The following APLF variants were observed in gnomAD, a reference collection of about 807,000 sequenced individuals.
The protein encoded by APLF is aprataxin and PNKP like factor.
APLF carries 61 observed loss-of-function variants against 55.6 expected under a neutral mutation model. That is an observed-to-expected ratio of 1.10 (90% CI 0.89 to 1.36). The LOEUF is 1.36. Among genes scored for constraint, APLF ranks in the 40% most tolerant of loss-of-function variants. APLF has a pLI of 0.00. For missense variants in APLF, 611 were observed against 602.5 expected (o/e 1.01, Z -0.15); for synonymous variants, 207 against 214.8 (o/e 0.96, Z 0.32).
intron 2 of APLF, among the ~76,000 whole-genome samples, chr2:68,495,650 T>C (rs111761773): frequency 0.026 from 3,916 of 152,338 alleles, 67 homozygotes; most frequent in South Asian, 0.043. Flanking sequence ...GGACCTCCCA[T>C]CCCACATTTA....
chr2:68,487,333 A>T (rs1676216224), intron 1 of APLF, among the ~76,000 whole-genome samples: 2 of 152,162 alleles, frequency 1.3e-5, no homozygotes, highest in African/African-American at 4.8e-5. Context: ...ATGTAATGAT[A>T]TTGAGGGATG....
chr2:68,479,921 TGATC>T (rs1311204798), intron 1 of APLF, among the ~76,000 whole-genome samples: 6 of 152,208 alleles, frequency 3.9e-5, no homozygotes, highest in Non-Finnish European at 7.3e-5. Flanking sequence ...ACCTATATGA[TGATC>T]CACTTCCATT....
intron 1 of APLF, among the ~76,000 whole-genome samples, chr2:68,483,260 T>C (rs982408494): frequency 6.6e-6 from 1 of 152,146 alleles, no homozygotes; most frequent in African/African-American, 2.4e-5. Flanking sequence ...TCCAAACAGC[T>C]CAAGGCTTGT....
At chr2:68,560,253 C>G (rs960070531) in intron 8 of APLF, among the ~76,000 whole-genome samples, 1 of 152,118 alleles carries the variant, frequency 6.6e-6, no homozygotes, top group South Asian at 2.1e-4. Context: ...AAAGCAGAAA[C>G]TCTCTGCTTG....
chr2:68,540,499 G>C (rs1670517283), intron 7 of APLF, among the ~76,000 whole-genome samples: 1 of 152,110 alleles, frequency 6.6e-6, no homozygotes, highest in African/African-American at 2.4e-5. Context: ...ATGGTAGAAT[G>C]ATTTATATTC....
chr2:68,535,603 CT>C (rs200351772), intron 6 of APLF, among the ~76,000 whole-genome samples: 5,052 of 128,536 alleles, frequency 0.039, 74 homozygotes, highest in Middle Eastern at 0.055. Context: ...TAGCTGTGCT[CT>C]TTTTTTTTTT....
chr2:68,506,482 G>C (rs1039420745), intron 3 of APLF, among the ~76,000 whole-genome samples: 2 of 151,640 alleles, frequency 1.3e-5, no homozygotes, highest in African/African-American at 4.9e-5. Flanking sequence ...TGTTTTGCAG[G>C]GTCAACCACA....
intron 1 of APLF, among the ~76,000 whole-genome samples, chr2:68,478,193 G>T (rs1241610593): frequency 4.0e-5 from 6 of 151,596 alleles, no homozygotes; most frequent in African/African-American, 1.2e-4. Context: ...AAAATTACAA[G>T]AAAAAGTTGA....
chr2:68,556,609 T>C (rs890174591), intron 8 of APLF, among the ~76,000 whole-genome samples: 2 of 152,196 alleles, frequency 1.3e-5, no homozygotes, highest in African/African-American at 4.8e-5. Flanking sequence ...TAAGCACTTA[T>C]CTTAGAATAT....
intron 5 of APLF, among the ~76,000 whole-genome samples, chr2:68,524,806 G>A (rs1669985811): frequency 6.6e-6 from 1 of 152,220 alleles, no homozygotes; most frequent in South Asian, 2.1e-4. Context: ...AACAAGGCAT[G>A]TAAAGTTTCT....
intron 5 of APLF, among the ~76,000 whole-genome samples, chr2:68,517,659 C>T (rs920225097): frequency 2.8e-5 from 4 of 143,552 alleles, no homozygotes; most frequent in Admixed American, 1.4e-4. Flanking sequence ...ATGTTATTAA[C>T]GTAACAATAA....
intron 8 of APLF, among the ~76,000 whole-genome samples, chr2:68,550,005 T>C (rs1670812258): frequency 6.6e-6 from 1 of 152,204 alleles, no homozygotes; most frequent in Non-Finnish European, 1.5e-5. Flanking sequence ...TGGTCCGATA[T>C]AATCTACTCT....
In APLF at chr2:68,524,958, T is replaced by C. The variant is rs541679645; in HGVS notation, c.623-1103T>C. Among the ~76,000 whole-genome samples, 10 of 152,298 alleles carry C rather than the reference T, an allele frequency of 6.6e-5. No individual in the cohort carries two copies. In the South Asian group the frequency reaches 1.9e-3, roughly 28 times the overall value. ...GGTATTTTATGGGATACAATGTCCATTGTTATTGAGATTTATTTACTTTAT... is the reference window on the plus strand; with the variant it reads ...GGTATTTTATGGGATACAATGTCCACTGTTATTGAGATTTATTTACTTTAT... On this transcript the variant is annotated intron_variant, in intron 5 of 9. Transcript: ENST00000303795.
chr2:68,540,425 G>A (rs1670515092), intron 7 of APLF, among the ~76,000 whole-genome samples: 1 of 152,124 alleles, frequency 6.6e-6, no homozygotes, highest in African/African-American at 2.4e-5. Flanking sequence ...GGGCATTTGG[G>A]TTGGTTCCAA....
intron 6 of APLF, among the ~76,000 whole-genome samples, chr2:68,536,584 A>G (rs1056532245): frequency 6.6e-5 from 10 of 152,164 alleles, no homozygotes; most frequent in African/African-American, 2.4e-4. Flanking sequence ...TTAAGGGGTC[A>G]TTTTTAACAG....
At chr2:68,563,463 G>T (rs1374316501) in intron 8 of APLF, 2 of 689,664 alleles carry the variant, frequency 2.9e-6, no homozygotes, top group African/African-American at 3.9e-5. Flanking sequence ...TGTTTTCCAG[G>T]ATAATAGAGA....
At chr2:68,517,902 T>C (rs1236021060) in intron 5 of APLF, among the ~76,000 whole-genome samples, 3 of 144,228 alleles carry the variant, frequency 2.1e-5, no homozygotes, top group Non-Finnish European at 4.5e-5. Flanking sequence ...TGTTAATATA[T>C]AGCAGTATTA....
intron 7 of APLF, among the ~76,000 whole-genome samples, chr2:68,542,278 C>A (rs746864649): frequency 1.3e-5 from 2 of 150,826 alleles, no homozygotes; most frequent in Non-Finnish European, 2.9e-5. Flanking sequence ...AAAGCACAGA[C>A]AACAAAAGCA....
chr2:68,531,797 T>C (rs1670265159), intron 6 of APLF, among the ~76,000 whole-genome samples: 2 of 152,226 alleles, frequency 1.3e-5, no homozygotes, highest in African/African-American at 2.4e-5. Context: ...TAAGGTTTGA[T>C]AATCACAAGA....
Sources: gnomAD v4.1 joint callset for allele counts (sites outside exome capture counted in the v4.1 genomes callset) on GRCh38, gnomAD v4.1.1 for gene constraint, MANE v1.5 for transcripts, NCBI Gene and HGNC (gene_info 2026-07-23, HGNC 2026-07-21) for gene names.